Variants in RFX7 observed in about 807,000 individuals in gnomAD.
RFX7 encodes DNA-binding protein RFX7.
RFX7 carries 26 observed loss-of-function variants against 111.8 expected under a neutral mutation model. That is an observed-to-expected ratio of 0.23 (90% CI 0.17 to 0.32). RFX7 has a LOEUF of 0.32. Among genes scored for constraint, RFX7 ranks in the 10% least tolerant of loss-of-function variants. The probability of loss-of-function intolerance (pLI) is 1.00; values close to 1 mark genes in which losing one functional copy is unlikely to be tolerated. For missense variants in RFX7, 1,573 were observed against 1,772.9 expected, an observed-to-expected ratio of 0.89 and a Z score of 2.02; for synonymous variants, 624 against 624.4, an observed-to-expected ratio of 1.00 and a Z score of 0.01.
intron 5 of RFX7, among the ~76,000 whole-genome samples, chr15:56,136,722 T>C (rs2042308093): frequency 6.8e-6 from 1 of 147,612 alleles, no homozygotes; most frequent in African/African-American, 2.5e-5. Context: ...CTTCCAGTTT[T>C]TGCCCATTCA....
At chr15:56,130,628 A>G (rs1222764332) in intron 5 of RFX7, among the ~76,000 whole-genome samples, 3 of 152,112 alleles carry the variant, frequency 2.0e-5, no homozygotes, top group Non-Finnish European at 4.4e-5. Context: ...CATTCCATTT[A>G]AAGAGTAAGA....
chr15:56,088,917 G>C lies in RFX7; in HGVS notation c.*4428C>G, dbSNP rs2041562277. On this transcript the variant is annotated 3_prime_UTR_variant, in exon 10 of 10. Transcript: ENST00000559447. ...ACTGTTGGCACTTAACAAAGAACAT[G>C]TACTTAACTCTTTATGATTGTAAGC... 1 of 152,212 alleles carries C rather than the reference G, an allele frequency of 6.6e-6. No homozygotes were observed. Among genetic ancestry groups the C allele is most frequent in the South Asian group, 2.1e-4 (1 of 4,814 alleles). The allele number at this position is 152,212 out of a possible 1,614,324, so 9.4% of individuals were successfully genotyped here. A position where few individuals can be genotyped will look rare whatever the true frequency, so the allele number is the denominator to read the frequency against.
chr15:56,216,768 T>G (rs2043366505), intron 2 of RFX7, among the ~76,000 whole-genome samples: 1 of 152,224 alleles, frequency 6.6e-6, no homozygotes, highest in African/African-American at 2.4e-5. Flanking sequence ...TGATGTGGAA[T>G]CTTTTCATTA....
At chr15:56,211,898 T>C (rs2043316432) in intron 2 of RFX7, among the ~76,000 whole-genome samples, 1 of 152,088 alleles carries the variant, frequency 6.6e-6, no homozygotes, top group African/African-American at 2.4e-5. Context: ...AGGATGTGGA[T>C]CAACCAGAGC....
At chr15:56,182,714 GAAT>G (rs1470732169) in intron 2 of RFX7, among the ~76,000 whole-genome samples, 8 of 152,026 alleles carry the variant, frequency 5.3e-5, no homozygotes, top group African/African-American at 1.7e-4. Context: ...CCCATTGAAT[GAAT>G]AATAAAATTT....
In RFX7 at chr15:56,243,681, G is replaced by A. The variant is rs1328622273; in HGVS notation, c.-239C>T. Reference sequence around the variant, plus strand: ...CCCCCAAAATCCAAGAAGAACGGTTGCTCAGGGATTTGGCGGCCAAGCCTT... The same window carrying A: ...CCCCCAAAATCCAAGAAGAACGGTTACTCAGGGATTTGGCGGCCAAGCCTT... On this transcript the variant is annotated 5_prime_UTR_variant, in exon 1 of 10. Coordinates refer to ENST00000559447, the MANE Select transcript of RFX7 (RefSeq NM_022841.7). Among the ~76,000 whole-genome samples the A allele has an allele frequency of 2.1e-4, 32 of 151,858 alleles. No individual in the cohort carries two copies. The highest frequency in any genetic ancestry group is 7.9e-4 in the Admixed American group (12 of 15,272).
At chr15:56,161,944 G>A (rs150828166) in intron 3 of RFX7, among the ~76,000 whole-genome samples, 6 of 151,984 alleles carry the variant, frequency 3.9e-5, no homozygotes, top group Non-Finnish European at 8.8e-5. Flanking sequence ...GACCATCATA[G>A]GATCATCATG....
At chr15:56,173,726 A>G (rs1044837711) in intron 3 of RFX7, among the ~76,000 whole-genome samples, 2 of 152,078 alleles carry the variant, frequency 1.3e-5, no homozygotes, top group Admixed American at 6.5e-5. Context: ...CCCAGGCAGC[A>G]GAGGTTGCAG....
intron 2 of RFX7, among the ~76,000 whole-genome samples, chr15:56,212,759 T>C (rs961573231): frequency 2.7e-4 from 41 of 152,242 alleles, no homozygotes; most frequent in African/African-American, 7.5e-4. Context: ...CAAAGAAATA[T>C]GTTAAAAATA....
At chr15:56,240,293 G>T (rs755911142) in intron 2 of RFX7, among the ~76,000 whole-genome samples, 4 of 151,948 alleles carry the variant, frequency 2.6e-5, no homozygotes, top group Non-Finnish European at 5.9e-5. Context: ...AAACATGCAA[G>T]CTTGTTAACC....
chr15:56,107,320 A>AAG (rs1208475165), intron 5 of RFX7, among the ~76,000 whole-genome samples: 5 of 147,948 alleles, frequency 3.4e-5, no homozygotes, highest in Non-Finnish European at 7.4e-5. Context: ...AAAAAAAAAA[A>AAG]AAGAAGAAAG....
At chr15:56,184,610 TC>T (rs2043017963) in intron 2 of RFX7, among the ~76,000 whole-genome samples, 2 of 151,936 alleles carry the variant, frequency 1.3e-5, no homozygotes, top group African/African-American at 4.8e-5. Context: ...AAGGCACTCT[TC>T]TTTTAGTCCT....
At chr15:56,141,253 C>G (rs1284728692) in intron 5 of RFX7, among the ~76,000 whole-genome samples, 1 of 144,190 alleles carries the variant, frequency 6.9e-6, no homozygotes, top group African/African-American at 2.6e-5. Flanking sequence ...AGGGCTGAGG[C>G]AGGAGGATCG....
At position 56,096,408 on chromosome 15, in the gene RFX7, A is replaced by C. The variant is rs1319613837; in HGVS notation, c.1320T>G (p.Ser440Arg). ...PQILPKPANT[S>R]ALTIRSPTTV... ...TAGTTGGAGAGCGAATGGTGAGTGC[A>C]CTGGTGTTCGCTGGTTTGGGTAAGA... Residue 440 changes from serine to arginine, a missense_variant, in exon 10 of 10, where the codon AGT becomes AGG. Physicochemically the swap from Ser to Arg is moderately radical, Grantham distance 110. Coordinates refer to ENST00000559447, the MANE Select transcript of RFX7 (RefSeq NM_022841.7). 1 of 1,613,820 alleles carries C rather than the reference A, an allele frequency of 6.2e-7. No homozygotes were observed. The highest frequency in any genetic ancestry group is 2.2e-5 in the East Asian group (1 of 44,888).
Position 56,087,290 on chromosome 15 carries a change from A to G in RFX7, c.*6055T>C, listed in dbSNP as rs765992359. ...AAGACTCAAAATAAATGTGAGTTAA[A>G]CCAGAAAGACATTTATTTCTCTCAT... is the stretch of plus-strand genomic sequence containing the variant. On this transcript the variant is annotated 3_prime_UTR_variant, in exon 10 of 10. Transcript: ENST00000559447. 83 of 361,560 alleles carry G rather than the reference A, an allele frequency of 2.3e-4. 2 individuals are homozygous for G. The highest frequency in any genetic ancestry group is 1.3e-3 in the South Asian group (62 of 47,862). 22.4% of individuals were successfully genotyped at this position (361,560 alleles called of 1,614,324 possible). A position where few individuals can be genotyped will look rare whatever the true frequency, so the allele number is the denominator to read the frequency against.
At chr15:56,142,204 A>G (rs2042410323) in intron 5 of RFX7, among the ~76,000 whole-genome samples, 1 of 152,176 alleles carries the variant, frequency 6.6e-6, no homozygotes, top group African/African-American at 2.4e-5. Flanking sequence ...TCTAACCAGA[A>G]GGGCTCATCA....
At chr15:56,184,767 T>G (rs1231591380) in intron 2 of RFX7, among the ~76,000 whole-genome samples, 2 of 152,198 alleles carry the variant, frequency 1.3e-5, no homozygotes, top group African/African-American at 4.8e-5. Flanking sequence ...CCTGACTATC[T>G]TGTCATTCAC....
intron 2 of RFX7, among the ~76,000 whole-genome samples, chr15:56,223,243 T>C (rs2043445331): frequency 6.6e-6 from 1 of 152,180 alleles, no homozygotes. Flanking sequence ...TTCAGAATGA[T>C]CCCCATAAAG....
At chr15:56,182,136 A>G (rs2042981407) in intron 2 of RFX7, among the ~76,000 whole-genome samples, 1 of 152,140 alleles carries the variant, frequency 6.6e-6, no homozygotes, top group South Asian at 2.1e-4. Context: ...ATTTCATTAT[A>G]TATTACAATG....
Sources: allele counts gnomAD v4.1 joint callset (sites outside exome capture counted in the v4.1 genomes callset), GRCh38; gene constraint gnomAD v4.1.1; transcripts MANE v1.5; gene names NCBI Gene and HGNC (gene_info 2026-07-23, HGNC 2026-07-21).